STXBP5L: variants seen among roughly 807,000 people sequenced by gnomAD.
STXBP5L encodes syntaxin binding protein 5L.
STXBP5L carries 65 observed loss-of-function variants against 144.5 expected under a neutral mutation model. The observed-to-expected ratio is 0.45, with a 90% CI of 0.37 to 0.55. The LOEUF (loss-of-function observed/expected upper bound fraction) is 0.55. Ranked by LOEUF, STXBP5L falls within the 20% of genes least tolerant of loss-of-function variation. The pLI, the probability that STXBP5L is intolerant of heterozygous loss-of-function variation, is 0.00. For synonymous variants in STXBP5L, 505 were observed against 469.6 expected (o/e 1.08, Z -0.97); for missense variants, 1,298 against 1,405.5 (o/e 0.92, Z 1.22).
chr3:121,102,662 C>G (rs575753105), intron 5 of STXBP5L, among the ~76,000 whole-genome samples: 12 of 152,146 alleles, frequency 7.9e-5, no homozygotes, highest in Admixed American at 6.6e-4. Context: ...ATGACTAGGT[C>G]TTCAAAAGCA....
At chr3:121,035,801 G>A (rs1428818959) in intron 3 of STXBP5L, among the ~76,000 whole-genome samples, 1 of 152,070 alleles carries the variant, frequency 6.6e-6, no homozygotes, top group Non-Finnish European at 1.5e-5. Flanking sequence ...GGGAAGTATT[G>A]TCATTTTAAT....
At chr3:121,162,087 G>T (rs2046342072) in intron 9 of STXBP5L, among the ~76,000 whole-genome samples, 1 of 152,080 alleles carries the variant, frequency 6.6e-6, no homozygotes, top group East Asian at 1.9e-4. Context: ...AACCATTTTA[G>T]ATCACAGCAC....
intron 3 of STXBP5L, among the ~76,000 whole-genome samples, chr3:120,974,298 A>G (rs908476183): frequency 5.3e-5 from 8 of 152,104 alleles, no homozygotes; most frequent in African/African-American, 1.9e-4. Context: ...GCCAGTGATG[A>G]TGAGCACTTT....
intron 12 of STXBP5L, among the ~76,000 whole-genome samples, chr3:121,238,586 A>T (rs1199743177): frequency 6.6e-6 from 1 of 152,196 alleles, no homozygotes; most frequent in Non-Finnish European, 1.5e-5. Context: ...ATTTATAAGG[A>T]TACTAAATAA....
At chr3:120,989,800 TTC>T (rs1236663558) in intron 3 of STXBP5L, among the ~76,000 whole-genome samples, 1 of 152,040 alleles carries the variant, frequency 6.6e-6, no homozygotes, top group Non-Finnish European at 1.5e-5. Context: ...CAAGTAATTT[TTC>T]TCTCTAAAAT....
chr3:121,078,583 G>A (rs1036548143), intron 5 of STXBP5L, among the ~76,000 whole-genome samples: 4 of 152,254 alleles, frequency 2.6e-5, no homozygotes, highest in Admixed American at 2.0e-4. Flanking sequence ...GGAGCAGGGG[G>A]TGGTGCTCTT....
chr3:121,219,758 C>A (rs745329366), intron 10 of STXBP5L, among the ~76,000 whole-genome samples: 11 of 151,898 alleles, frequency 7.2e-5, no homozygotes, highest in South Asian at 2.1e-4. Flanking sequence ...CTCAATATAC[C>A]CATCTGTTAA....
intron 9 of STXBP5L, among the ~76,000 whole-genome samples, chr3:121,170,385 C>T (rs532615694): frequency 4.6e-5 from 7 of 151,842 alleles, no homozygotes; most frequent in African/African-American, 1.7e-4. Context: ...AAAAACCCAT[C>T]AAAAAAATCA....
At chr3:120,960,212 C>G (rs1450185499) in intron 3 of STXBP5L, among the ~76,000 whole-genome samples, 1 of 152,192 alleles carries the variant, frequency 6.6e-6, no homozygotes, top group African/African-American at 2.4e-5. Flanking sequence ...CAATGAGATA[C>G]CATCTCATGC....
chr3:121,020,897 A>T (rs1945504748), intron 3 of STXBP5L, among the ~76,000 whole-genome samples: 1 of 151,974 alleles, frequency 6.6e-6, no homozygotes, highest in Non-Finnish European at 1.5e-5. Flanking sequence ...TAGCACAATG[A>T]GTACAATAGT....
chr3:121,070,358 G>A (rs566287022), intron 5 of STXBP5L, among the ~76,000 whole-genome samples: 5 of 152,318 alleles, frequency 3.3e-5, no homozygotes, highest in African/African-American at 9.6e-5. Context: ...AAACTTTGAG[G>A]AATGTGGAGT....
chr3:121,277,640 G>T (rs1275598172), intron 18 of STXBP5L, among the ~76,000 whole-genome samples: 1 of 151,086 alleles, frequency 6.6e-6, no homozygotes, highest in Non-Finnish European at 1.5e-5. Flanking sequence ...TTTTTCCTCT[G>T]GTTATCATAT....
chr3:121,030,197 T>G (rs1203105072), intron 3 of STXBP5L, among the ~76,000 whole-genome samples: 1 of 152,180 alleles, frequency 6.6e-6, no homozygotes, highest in East Asian at 1.9e-4. Flanking sequence ...CAAAGGATTA[T>G]AAATCATGCT....
intron 22 of STXBP5L, among the ~76,000 whole-genome samples, chr3:121,386,586 T>A (rs1053277132): frequency 6.6e-6 from 1 of 152,034 alleles, no homozygotes; most frequent in Non-Finnish European, 1.5e-5. Context: ...CAGTGTGTGA[T>A]GTTCCCTGCG....
intron 20 of STXBP5L, among the ~76,000 whole-genome samples, chr3:121,325,344 A>G (rs2044110375): frequency 6.6e-6 from 1 of 152,074 alleles, no homozygotes; most frequent in South Asian, 2.1e-4. Flanking sequence ...ATGTAATACA[A>G]CACCCCAGCA....
intron 3 of STXBP5L, among the ~76,000 whole-genome samples, chr3:121,005,832 G>C (rs563091336): frequency 1.8e-4 from 27 of 152,312 alleles, no homozygotes; most frequent in African/African-American, 6.5e-4. Flanking sequence ...TCAGGAGCAG[G>C]TTGTTCAGTT....
chr3:121,238,946 C>T, intron 12 of STXBP5L, 25 bp from the exon 13 acceptor site: 2 of 1,514,084 alleles, frequency 1.3e-6, no homozygotes, highest in Non-Finnish European at 1.8e-6. Context: ...TAAAATAACA[C>T]TGATATATTG....
intron 9 of STXBP5L, among the ~76,000 whole-genome samples, chr3:121,193,966 TATAATA>T (rs144408060): frequency 0.1 from 15,081 of 150,180 alleles, 1,182 homozygotes; most frequent in Admixed American, 0.2. Flanking sequence ...GAAGTTAACA[TATAATA>T]ATAATAATAA....
chr3:121,016,646 G>C (rs1252578362), intron 3 of STXBP5L, among the ~76,000 whole-genome samples: 1 of 152,116 alleles, frequency 6.6e-6, no homozygotes, highest in African/African-American at 2.4e-5. Flanking sequence ...ATAGATGTGC[G>C]TTTGGACTAC....
Sources: allele counts gnomAD v4.1 joint callset (sites outside exome capture counted in the v4.1 genomes callset), GRCh38; gene constraint gnomAD v4.1.1; transcripts MANE v1.5; gene names NCBI Gene and HGNC (gene_info 2026-07-23, HGNC 2026-07-21).